ANP32A: variants seen among roughly 807,000 people sequenced by gnomAD.
The protein encoded by ANP32A is acidic nuclear phosphoprotein 32 family member A, also known as acidic leucine-rich nuclear phosphoprotein 32 family member A.
In ANP32A, 1 loss-of-function variant was observed where a neutral mutation model predicts 33.9. The ratio of observed to expected loss-of-function variants is 0.03; its 90% CI spans 0.01 to 0.14. The LOEUF is 0.14. ANP32A is among the 10% of genes least tolerant of loss of function. ANP32A has a pLI of 1.00. For synonymous variants in ANP32A, 115 were observed against 120.5 expected (o/e 0.95, Z 0.30); for missense variants, 155 against 306.0 (o/e 0.51, Z 3.68).
chr15:68,787,724 C>CG, intron 2 of ANP32A, 46 bp downstream of exon 2: 1 of 1,609,464 alleles, frequency 6.2e-7, no homozygotes, highest in Non-Finnish European at 8.5e-7. Flanking sequence ...ACCCTTCCCA[C>CG]TCCCCACCCC....
At position 68,780,498 on chromosome 15, in the gene ANP32A, A is replaced by G; in HGVS notation, c.625-25T>C. The G allele has an allele frequency of 6.2e-7, 1 of 1,613,792 alleles. No individual in the cohort carries two copies. The highest frequency in any genetic ancestry group is 1.1e-5 in the South Asian group (1 of 91,074). ...CCTAGGAGAAAGGACAGACACCAGA[A>G]CATTAGAAATGCCCTGCCTTGGGAC... On this transcript the variant is annotated intron_variant, in intron 5 of 6. Coordinates refer to ENST00000465139, the MANE Select transcript of ANP32A (RefSeq NM_006305.4). This position sits in a 1 kb window ranked among gnomAD's most constrained non-coding sequence, Gnocchi z 4.3.
rs201426333 is a variant in ANP32A at position 68,784,599 on chromosome 15, C to T, written c.328-4G>A. The T allele has an allele frequency of 6.2e-7, 1 of 1,613,978 alleles. No individual in the cohort carries two copies. Among genetic ancestry groups the T allele is most frequent in the Non-Finnish European group, 8.5e-7 (1 of 1,179,992 alleles). On this transcript the variant is annotated splice_region_variant and splice_polypyrimidine_tract_variant and intron_variant, in intron 3 of 6. Transcript: ENST00000465139. ...TCTTGAGGTTTTCTAACTTTTTCTG[C>T]AAGCGGAAAAATGAAGCCAACAGTA...
At position 68,787,830 on chromosome 15, in the gene ANP32A, A is replaced by G. The variant is rs774366260; in HGVS notation, c.144T>C (p.Ser48=). The part of the protein sequence containing the change: ...TDEFEELEFL[S]TINVGLTSIA... ...TTGAGGTGAGGCCTACGTTGATTGT[A>G]CTTAAGAATTCCAGTTCTTCAAATT... The change falls in exon 2 of 7, where the codon AGT becomes AGC. Residue 48 remains serine, a synonymous_variant. Coordinates refer to ENST00000465139, the MANE Select transcript of ANP32A (RefSeq NM_006305.4). The G allele has an allele frequency of 6.1e-5, 98 of 1,613,924 alleles. No individual in the cohort carries two copies. Among genetic ancestry groups the G allele is most frequent in the Non-Finnish European group, 8.3e-5 (98 of 1,180,014 alleles).
intron 1 of ANP32A, among the ~76,000 whole-genome samples, chr15:68,801,415 CT>C (rs1277776323): frequency 1.3e-5 from 2 of 151,942 alleles, no homozygotes; most frequent in Non-Finnish European, 2.9e-5. Context: ...GGCTTTACTG[CT>C]TACAAACTGT....
At chr15:68,794,603 A>G (rs1270152315) in intron 1 of ANP32A, among the ~76,000 whole-genome samples, 1 of 152,208 alleles carries the variant, frequency 6.6e-6, no homozygotes, top group Admixed American at 6.5e-5. Context: ...TGCAGATCCC[A>G]TTTCAGCTAG....
At position 68,780,702 on chromosome 15, in the gene ANP32A, G is replaced by T; in HGVS notation, c.625-229C>A. The T allele has an allele frequency of 1.6e-6, 1 of 606,138 alleles. No homozygotes were observed. The highest frequency in any genetic ancestry group is 2.6e-6 in the Non-Finnish European group (1 of 380,944). The allele number at this position is 606,138 out of a possible 1,614,324, so 37.5% of individuals were successfully genotyped here. The stretch of plus-strand genomic sequence containing the variant: ...TGAACTCCTTCTCCAGAAAATGTCC[G>T]TATCATTTATAATATTTGCAAGCAG... On this transcript the variant is annotated intron_variant, in intron 5 of 6. Transcript: ENST00000465139. The surrounding 1 kb of genome is among the most constrained non-coding windows in gnomAD (Gnocchi z 4.3).
Position 68,784,381 on chromosome 15 carries a change from G to A in ANP32A, c.526+16C>T, listed in dbSNP as rs374518002. The A allele has an allele frequency of 6.2e-6, 10 of 1,604,838 alleles. No homozygotes were observed. The highest frequency in any genetic ancestry group is 2.2e-5 in the South Asian group (2 of 90,620). ...AGCTGGGCCCCTGCAGCCCTGGGCC[G>A]CACCCTGTCACCCACCATCCTCATC... is the stretch of plus-strand genomic sequence containing the variant. On this transcript the variant is annotated intron_variant, in intron 4 of 6. Transcript: ENST00000465139.
intron 1 of ANP32A, among the ~76,000 whole-genome samples, chr15:68,794,998 T>C (rs1894044620): frequency 6.6e-6 from 1 of 152,050 alleles, no homozygotes; most frequent in African/African-American, 2.4e-5. Flanking sequence ...AGGTCAGTTC[T>C]CTTTTTTCAG....
At chr15:68,789,579 G>A (rs1167766305) in intron 1 of ANP32A, 11 of 152,458 alleles carry the variant, frequency 7.2e-5, no homozygotes, top group Non-Finnish European at 1.0e-4. Context: ...GTCCACATGA[G>A]GCCTGCTATG....
At chr15:68,793,714 T>C (rs1894027527) in intron 1 of ANP32A, among the ~76,000 whole-genome samples, 1 of 152,112 alleles carries the variant, frequency 6.6e-6, no homozygotes, top group Non-Finnish European at 1.5e-5. Context: ...AGATACACTA[T>C]ATCAAAAGCC....
intron 1 of ANP32A, among the ~76,000 whole-genome samples, chr15:68,807,690 G>A (rs1017376127): frequency 9.2e-5 from 14 of 152,062 alleles, no homozygotes; most frequent in Non-Finnish European, 1.3e-4. Flanking sequence ...ATTTCTTTCC[G>A]TGCTAACAAC....
At chr15:68,791,089 T>G (rs1033298993) in intron 1 of ANP32A, 1 of 152,182 alleles carries the variant, frequency 6.6e-6, no homozygotes, top group East Asian at 1.9e-4. Context: ...AAGACCCTCA[T>G]GCCAGGGAAG....
At position 68,809,157 on chromosome 15, in the gene ANP32A, C is replaced by T. The variant is rs183306269; in HGVS notation, c.54+11541G>A. Among the ~76,000 whole-genome samples, 18 of 152,248 alleles carry T rather than the reference C, an allele frequency of 1.2e-4. No individual in the cohort carries two copies. In the East Asian group the frequency reaches 3.5e-3, roughly 29 times the overall value. On this transcript the variant is annotated intron_variant, in intron 1 of 6. Transcript: ENST00000465139. Reference sequence around the variant, plus strand: ...GACTTTGGTGGATCTGTCCACACAGCCTAAACAAAGAGCACCAAGCTGACA... The same window carrying T: ...GACTTTGGTGGATCTGTCCACACAGTCTAAACAAAGAGCACCAAGCTGACA...
intron 1 of ANP32A, among the ~76,000 whole-genome samples, chr15:68,808,417 A>G (rs1210842192): frequency 6.6e-6 from 1 of 152,222 alleles, no homozygotes; most frequent in Non-Finnish European, 1.5e-5. Flanking sequence ...CACAGGAGCC[A>G]GGCACCACCA....
chr15:68,787,301 TGA>T (rs1287114666), intron 3 of ANP32A, 110 bp downstream of exon 3: 2 of 1,461,594 alleles, frequency 1.4e-6, no homozygotes, highest in East Asian at 4.6e-5. Flanking sequence ...TAGCACATCA[TGA>T]GAGTCAAAAA....
intron 1 of ANP32A, among the ~76,000 whole-genome samples, chr15:68,792,794 T>C (rs1177187056): frequency 6.6e-6 from 1 of 152,180 alleles, no homozygotes; most frequent in Non-Finnish European, 1.5e-5. Flanking sequence ...ACTGGCTCCA[T>C]GATCTCAGCT....
chr15:68,810,165 G>A (rs1384923382), intron 1 of ANP32A, among the ~76,000 whole-genome samples: 1 of 152,168 alleles, frequency 6.6e-6, no homozygotes, highest in African/African-American at 2.4e-5. Flanking sequence ...AACAGATGAC[G>A]GGAAGTGGCC....
chr15:68,807,621 C>G (rs1442689068), intron 1 of ANP32A, among the ~76,000 whole-genome samples: 3 of 152,204 alleles, frequency 2.0e-5, no homozygotes, highest in African/African-American at 7.2e-5. Context: ...CATTCAAGCC[C>G]TGACGGGTAG....
At chr15:68,816,285 T>TAG (rs2140375928) in intron 1 of ANP32A, among the ~76,000 whole-genome samples, 1 of 152,336 alleles carries the variant, frequency 6.6e-6, no homozygotes, top group Non-Finnish European at 1.5e-5. Flanking sequence ...AAGGAGGCAG[T>TAG]AGAGTGTAGA....
Sources: gnomAD v4.1 joint callset for allele counts (sites outside exome capture counted in the v4.1 genomes callset) on GRCh38, gnomAD v4.1.1 for gene constraint, Gnocchi (gnomAD v3.1) non-coding constraint, MANE v1.5 for transcripts, NCBI Gene and HGNC (gene_info 2026-07-23, HGNC 2026-07-21) for gene names.